The following GRIP2 variants were observed in gnomAD, a reference collection of about 807,000 sequenced individuals.
GRIP2 encodes glutamate receptor interacting protein 2, also known as glutamate receptor-interacting protein 2.
A neutral mutation model predicts 108.3 loss-of-function variants in GRIP2; 58 were observed. The ratio of observed to expected loss-of-function variants is 0.54; its 90% CI spans 0.43 to 0.67. The LOEUF is 0.67. GRIP2 is among the 30% of genes least tolerant of loss of function. The pLI is 0.00. For synonymous variants in GRIP2, 586 were observed against 598.2 expected, an observed-to-expected ratio of 0.98 and a Z score of 0.30; for missense variants, 1,278 against 1,430.6, an observed-to-expected ratio of 0.89 and a Z score of 1.72.
chr3:14,491,967 GC>G lies in GRIP2; in HGVS notation c.*1697del, dbSNP rs1423831527. 6.6e-6 allele frequency: 1 copy of G among 152,464 alleles called. No homozygotes were observed. The highest frequency in any genetic ancestry group is 6.5e-5 in the Admixed American group (1 of 15,286). 9.4% of individuals were successfully genotyped at this position (152,464 alleles called of 1,614,324 possible). A position where few individuals can be genotyped will look rare whatever the true frequency, so the allele number is the denominator to read the frequency against. ...AGCACCCCAGGCACAAGCATGCAGG[GC>G]CCTCAGGGAGGGCACCAAGGGGCAG... On this transcript the variant is annotated 3_prime_UTR_variant, in exon 24 of 24. Coordinates refer to ENST00000621039, the MANE Select transcript of GRIP2 (RefSeq NM_001080423.4).
Position 14,506,921 on chromosome 3 carries a change from G to T in GRIP2, c.2278C>A (p.Pro760Thr). The change falls in exon 19 of 24, where the codon CCA becomes ACA. Residue 760 changes from proline to threonine, a missense_variant. Transcript: ENST00000621039. ...LSETSDADED[P>T]ADALKGGLPA... ...AGGCCTCCTTTCAGGGCATCTGCTGGGTCCTCATCAGCATCACTGGTCTCA... is the reference window on the plus strand; with the variant it reads ...AGGCCTCCTTTCAGGGCATCTGCTGTGTCCTCATCAGCATCACTGGTCTCA... The T allele has an allele frequency of 1.2e-6, 2 of 1,607,390 alleles. No individual in the cohort carries two copies. The highest frequency in any genetic ancestry group is 1.7e-6 in the Non-Finnish European group (2 of 1,177,030).
intron 1 of GRIP2, among the ~76,000 whole-genome samples, chr3:14,536,655 A>G (rs4685194): frequency 0.31 from 46,851 of 152,060 alleles, 7,624 homozygotes; most frequent in East Asian, 0.57. Flanking sequence ...ACATCCCACC[A>G]TGGGAGAGCG....
At chr3:14,529,745 T>C (rs573628806) in intron 1 of GRIP2, among the ~76,000 whole-genome samples, 4 of 152,232 alleles carry the variant, frequency 2.6e-5, no homozygotes, top group Non-Finnish European at 5.9e-5. Context: ...GGGAGGTATT[T>C]CTTCTGCCTA....
At chr3:14,548,072 A>G (rs941042891) in intron 1 of GRIP2, among the ~76,000 whole-genome samples, 2 of 152,160 alleles carry the variant, frequency 1.3e-5, no homozygotes, top group Non-Finnish European at 2.9e-5. Context: ...TGCCGGGTGG[A>G]GGCAGTGTCT....
In GRIP2 at chr3:14,489,572, G is replaced by C. The variant is rs1236827179; in HGVS notation, c.*4093C>G. The stretch of plus-strand genomic sequence containing the variant: ...CCTGGATTCGCACCCGGGCCCATGA[G>C]CTCTTGGCTCTACTGGCTCTACTGA... On this transcript the variant is annotated 3_prime_UTR_variant, in exon 24 of 24. Coordinates refer to ENST00000621039, the MANE Select transcript of GRIP2 (RefSeq NM_001080423.4). 6.6e-6 allele frequency: 1 copy of C among 152,214 alleles called. No homozygotes were observed. Among genetic ancestry groups the C allele is most frequent in the African/African-American group, 2.4e-5 (1 of 41,422 alleles). 9.4% of individuals were successfully genotyped at this position (152,214 alleles called of 1,614,324 possible).
chr3:14,524,432 G>T lies in GRIP2; in HGVS notation c.364C>A (p.Arg122Ser). ...IITLLKNVGERVVLEVEYELP... is the reference protein window; with the variant it reads ...IITLLKNVGESVVLEVEYELP... ...TCATACTCCACCTCCAGCACCACGCGCTCGCCCACATTCTTGAGCAGGGTG... is the reference window on the plus strand; with the variant it reads ...TCATACTCCACCTCCAGCACCACGCTCTCGCCCACATTCTTGAGCAGGGTG... Residue 122 changes from arginine to serine, a missense_variant, in exon 4 of 24, where the codon CGC becomes AGC. By Grantham distance (110) the Arg-to-Ser change is moderately radical (BLOSUM62 -1). Coordinates refer to ENST00000621039, the MANE Select transcript of GRIP2 (RefSeq NM_001080423.4). 1 of 1,607,548 alleles carries T rather than the reference G, an allele frequency of 6.2e-7. No individual in the cohort carries two copies. Among genetic ancestry groups the T allele is most frequent in the South Asian group, 1.1e-5 (1 of 89,246 alleles).
rs1559343633 is a variant in GRIP2 at position 14,521,608 on chromosome 3, T to TGCCCCAACCCA, written c.712+23_712+33dup. ...CCTCCCCCCATCCCAGGCCTCCTCCTGCCCCAACCCACACACTCAGGCCCC... is the reference window on the plus strand; with the variant it reads ...CCTCCCCCCATCCCAGGCCTCCTCCTGCCCCAACCCAGCCCCAACCCACACACTCAGGCCCC... On this transcript the variant is annotated intron_variant, in intron 7 of 23. Transcript: ENST00000621039. The surrounding 1 kb of genome is among the most constrained non-coding windows in gnomAD (Gnocchi z 5.1). 3.2e-6 allele frequency: 5 copies of TGCCCCAACCCA among 1,572,140 alleles called. No individual in the cohort carries two copies. In the Admixed American group the frequency reaches 5.3e-5, roughly 17 times the overall value.
intron 21 of GRIP2, among the ~76,000 whole-genome samples, chr3:14,500,869 T>C (rs760473135): frequency 4.6e-5 from 7 of 152,066 alleles, no homozygotes; most frequent in Non-Finnish European, 8.8e-5. Flanking sequence ...TATAAGAAAG[T>C]TGGGATATGA....
upstream of GRIP2, among the ~76,000 whole-genome samples, chr3:14,556,843 G>A (rs1695243989): frequency 1.3e-5 from 2 of 152,196 alleles, no homozygotes; most frequent in East Asian, 1.9e-4. Context: ...GAGGCAGATG[G>A]GCAGTGACTT....
At chr3:14,503,711 C>T (rs754399794) in intron 20 of GRIP2, 40 bp from the exon 21 acceptor site, 58 of 68,104 alleles carry the variant, frequency 8.5e-4, no homozygotes, top group Non-Finnish European at 1.4e-3. Flanking sequence ...TCCTGGCAGG[C>T]GGGTGGGCGG....
chr3:14,542,118 T>C (rs554596123), upstream of GRIP2: 9 of 1,176,754 alleles, frequency 7.6e-6, no homozygotes, highest in East Asian at 4.5e-4. Flanking sequence ...TGCCCCTTCT[T>C]TCTCCCTCTT....
chr3:14,546,761 T>A (rs1190884480), upstream of GRIP2, among the ~76,000 whole-genome samples: 1 of 152,156 alleles, frequency 6.6e-6, no homozygotes, highest in African/African-American at 2.4e-5. Flanking sequence ...GAGCTCCCAC[T>A]TGACTCTCCT....
intron 13 of GRIP2, 90 bp downstream of exon 13, chr3:14,513,575 G>C: frequency 6.9e-7 from 1 of 1,453,108 alleles, no homozygotes; most frequent in Non-Finnish European, 9.3e-7. Flanking sequence ...AGGGGGATGG[G>C]GTGGAGCGTT....
At chr3:14,561,059 G>A (rs1199056894), upstream of GRIP2, among the ~76,000 whole-genome samples, 1 of 152,232 alleles carries the variant, frequency 6.6e-6, no homozygotes, top group South Asian at 2.1e-4. Flanking sequence ...AGACAGCAGA[G>A]GGAGGCTTGG....
In GRIP2 at chr3:14,524,376, C is replaced by T. The variant is rs751775157; in HGVS notation, c.403+17G>A. On this transcript the variant is annotated intron_variant, in intron 4 of 23. Transcript: ENST00000621039. ...AACCGAGGCAGTGGAGAAAGTTCCC[C>T]GTCCAAGGGCACCCACCGGGCGGGG... 2.1e-5 allele frequency: 33 copies of T among 1,605,632 alleles called. No individual in the cohort carries two copies. Among genetic ancestry groups the T allele is most frequent in the Admixed American group, 5.1e-5 (3 of 59,192 alleles).
intron 21 of GRIP2, among the ~76,000 whole-genome samples, chr3:14,502,664 C>T (rs1693799869): frequency 6.6e-6 from 1 of 152,020 alleles, no homozygotes; most frequent in East Asian, 1.9e-4. Context: ...GCAATGCTTA[C>T]AGGTAAATTC....
chr3:14,550,803 A>T (rs1030026309), intron 1 of GRIP2, among the ~76,000 whole-genome samples: 3 of 152,156 alleles, frequency 2.0e-5, no homozygotes, highest in Non-Finnish European at 4.4e-5. Flanking sequence ...CACTCTGCGC[A>T]TGGGCACTGA....
chr3:14,495,221 T>C (rs1332231253), intron 22 of GRIP2, among the ~76,000 whole-genome samples: 1 of 149,562 alleles, frequency 6.7e-6, no homozygotes, highest in East Asian at 2.0e-4. Context: ...GACGGAGCCC[T>C]TAGGAGTGAC....
At chr3:14,535,805 C>G (rs1176033968) in intron 1 of GRIP2, among the ~76,000 whole-genome samples, 1 of 152,218 alleles carries the variant, frequency 6.6e-6, no homozygotes, top group Non-Finnish European at 1.5e-5. Context: ...CCTGCCTACT[C>G]CCCCATCCAT....
Sources: allele counts gnomAD v4.1 joint callset (sites outside exome capture counted in the v4.1 genomes callset), GRCh38; gene constraint gnomAD v4.1.1; non-coding constraint Gnocchi (gnomAD v3.1); transcripts MANE v1.5; gene names NCBI Gene and HGNC (gene_info 2026-07-23, HGNC 2026-07-21).